VOPP1: variants seen among roughly 807,000 people sequenced by gnomAD.
VOPP1 encodes VOPP1 WW domain binding protein.
VOPP1 carries 8 observed loss-of-function variants against 23.5 expected under a neutral mutation model. The observed-to-expected ratio is 0.34, with a 90% CI of 0.20 to 0.61. The LOEUF is 0.61. Ranked by LOEUF, VOPP1 falls within the 20% of genes least tolerant of loss-of-function variation. VOPP1 has a pLI of 0.78. For missense variants in VOPP1, 174 were observed against 238.1 expected, an observed-to-expected ratio of 0.73 and a Z score of 1.77; for synonymous variants, 83 against 97.3, an observed-to-expected ratio of 0.85 and a Z score of 0.86.
chr7:55,481,042 G>A (rs1438933741), intron 4 of VOPP1, among the ~76,000 whole-genome samples: 1 of 152,256 alleles, frequency 6.6e-6, no homozygotes, highest in Non-Finnish European at 1.5e-5. Flanking sequence ...TGTGTCTGCA[G>A]GCCTCATGAG....
intron 1 of VOPP1, among the ~76,000 whole-genome samples, chr7:55,545,756 G>A (rs1395255101): frequency 6.6e-6 from 1 of 152,122 alleles, no homozygotes; most frequent in Non-Finnish European, 1.5e-5. Flanking sequence ...TCTGTCATTT[G>A]TGGAGAGCTG....
intron 4 of VOPP1, among the ~76,000 whole-genome samples, chr7:55,449,829 C>T (rs1389601316): frequency 6.6e-6 from 1 of 152,190 alleles, no homozygotes; most frequent in Non-Finnish European, 1.5e-5. Context: ...CCTGCGGCCC[C>T]TGCAGCCCCT....
intron 1 of VOPP1, among the ~76,000 whole-genome samples, chr7:55,537,277 G>A (rs1304229104): frequency 1.3e-5 from 2 of 152,214 alleles, no homozygotes; most frequent in Non-Finnish European, 2.9e-5. Flanking sequence ...CATCTGGGAA[G>A]CCAAGCAGGA....
chr7:55,505,651 A>AAGGG lies in VOPP1; in HGVS notation c.114-7965_114-7962dup, dbSNP rs56047831. Among the ~76,000 whole-genome samples, 85 of 78,626 alleles carry AAGGG rather than the reference A, an allele frequency of 1.1e-3. 1 individual carries two copies. The highest frequency in any genetic ancestry group is 3.8e-3 in the African/African-American group (59 of 15,690). 51.6% of individuals were successfully genotyped at this position (78,626 alleles called of 152,430 possible). Reference sequence around the variant, plus strand: ...GAAAGAAGGAAAAAAGGAAGGAAGGAAGGGAGGGAGGGAGGGAGGGAGGGA... The same window carrying AAGGG: ...GAAAGAAGGAAAAAAGGAAGGAAGGAAGGGAGGGAGGGAGGGAGGGAGGGAGGGA... On this transcript the variant is annotated intron_variant, in intron 2 of 4. Transcript: ENST00000285279.
intron 1 of VOPP1, among the ~76,000 whole-genome samples, chr7:55,538,087 T>C (rs1428246611): frequency 6.6e-6 from 1 of 152,234 alleles, no homozygotes; most frequent in Non-Finnish European, 1.5e-5. Context: ...ACTTTAGGGC[T>C]TCGAGACACC....
chr7:55,517,201 G>A (rs1043221919), intron 2 of VOPP1, among the ~76,000 whole-genome samples: 1 of 151,220 alleles, frequency 6.6e-6, no homozygotes, highest in South Asian at 2.1e-4. Flanking sequence ...AGCCCGACTC[G>A]GCCTCCCAGA....
intron 4 of VOPP1, among the ~76,000 whole-genome samples, chr7:55,446,237 C>T (rs1315405034): frequency 6.6e-6 from 1 of 152,152 alleles, no homozygotes; most frequent in African/African-American, 2.4e-5. Flanking sequence ...TCGTGATCTG[C>T]CCACCTCGGC....
chr7:55,550,731 G>A (rs950829736), intron 1 of VOPP1, among the ~76,000 whole-genome samples: 6 of 152,172 alleles, frequency 3.9e-5, no homozygotes, highest in South Asian at 2.1e-4. Flanking sequence ...GGAAATGCTC[G>A]TGACAGAAGG....
At position 55,458,022 on chromosome 7, in the gene VOPP1, ATTTCCCCTGTGG is replaced by A. The variant is rs1791411293; in HGVS notation, n.418-21860_418-21849del. On this transcript the variant is annotated intron_variant and non_coding_transcript_variant, in intron 4 of 4. Coordinates refer to the VOPP1 transcript ENST00000462326. Reference sequence around the variant, plus strand: ...TTTGCCTTGACCTATGTCCTGAAACATTTCCCCTGTGGTTTCTTCCAGTAGTTTCATAATTTC... The same window carrying A: ...TTTGCCTTGACCTATGTCCTGAAACATTTCTTCCAGTAGTTTCATAATTTC... 2.0e-5 allele frequency among the ~76,000 whole-genome samples: 3 copies of A among 152,086 alleles called. 1 individual carries two copies. The South Asian group carries it at 6.2e-4, about 31-fold the overall frequency.
intron 2 of VOPP1, among the ~76,000 whole-genome samples, chr7:55,513,589 G>C (rs546668264): frequency 6.6e-6 from 1 of 152,308 alleles, no homozygotes; most frequent in South Asian, 2.1e-4. Context: ...CCATGTGACA[G>C]CCAGAGATGT....
intron 4 of VOPP1, among the ~76,000 whole-genome samples, chr7:55,440,798 C>A (rs1790945625): frequency 6.6e-6 from 1 of 152,138 alleles, no homozygotes; most frequent in African/African-American, 2.4e-5. Flanking sequence ...GTATTTAAGC[C>A]CATGAGGGTT....
chr7:55,552,262 A>C (rs531343569), intron 1 of VOPP1, among the ~76,000 whole-genome samples: 2 of 152,332 alleles, frequency 1.3e-5, no homozygotes, highest in African/African-American at 4.8e-5. Context: ...TAGAAATAGC[A>C]ATGACAGAAA....
intron 1 of VOPP1, among the ~76,000 whole-genome samples, chr7:55,541,969 A>G (rs1797151817): frequency 6.6e-6 from 1 of 152,358 alleles, no homozygotes; most frequent in Middle Eastern, 3.4e-3. Context: ...GGAACAAAAT[A>G]TTCCAAAATT....
At chr7:55,473,891 G>C (rs532288754) in intron 4 of VOPP1, among the ~76,000 whole-genome samples, 27 of 152,314 alleles carry the variant, frequency 1.8e-4, no homozygotes, top group Non-Finnish European at 2.4e-4. Context: ...AGCTGCCCCT[G>C]TGTGAATATT....
chr7:55,521,623 C>T, intron 1 of VOPP1: 1 of 987,390 alleles, frequency 1.0e-6, no homozygotes, highest in South Asian at 4.7e-5. Flanking sequence ...GTTGCCCTCT[C>T]ACGTGCAGGA....
At chr7:55,554,765 G>C (rs986856762) in intron 1 of VOPP1, among the ~76,000 whole-genome samples, 5 of 152,166 alleles carry the variant, frequency 3.3e-5, no homozygotes, top group Admixed American at 2.6e-4. Flanking sequence ...GGTCGATAGG[G>C]GCTGGAGCTC....
chr7:55,479,264 C>T (rs996763173), intron 4 of VOPP1, among the ~76,000 whole-genome samples: 1 of 151,750 alleles, frequency 6.6e-6, no homozygotes, highest in Admixed American at 6.6e-5. Context: ...ATTAACTCGT[C>T]ATTTAGCGTT....
At chr7:55,521,024 G>GA (rs1795811552) in intron 2 of VOPP1, 48 bp downstream of exon 2, 2 of 1,536,934 alleles carry the variant, frequency 1.3e-6, no homozygotes, top group South Asian at 2.4e-5. Context: ...AATTCCCAGA[G>GA]AAAGGTATGG....
At chr7:55,514,075 C>T (rs1035264889) in intron 2 of VOPP1, among the ~76,000 whole-genome samples, 3 of 152,090 alleles carry the variant, frequency 2.0e-5, no homozygotes, top group African/African-American at 7.2e-5. Flanking sequence ...CTGGGAGCGG[C>T]GCCCTTTCTC....
Sources: gnomAD v4.1 joint callset for allele counts (sites outside exome capture counted in the v4.1 genomes callset) on GRCh38, gnomAD v4.1.1 for gene constraint, MANE v1.5 for transcripts, NCBI Gene and HGNC (gene_info 2026-07-23, HGNC 2026-07-21) for gene names.